The following CLASP1 variants were observed in gnomAD, a reference collection of about 807,000 sequenced individuals.
The protein encoded by CLASP1 is CLIP-associating protein 1.
CLASP1 carries 38 observed loss-of-function variants against 192.3 expected under a neutral mutation model. The observed-to-expected ratio is 0.20, with a 90% CI of 0.15 to 0.26. The LOEUF is 0.26. Among genes scored for constraint, CLASP1 ranks in the 10% least tolerant of loss-of-function variants. CLASP1 has a pLI of 1.00. For synonymous variants in CLASP1, 691 were observed against 712.8 expected, an observed-to-expected ratio of 0.97 and a Z score of 0.49; for missense variants, 1,433 against 1,932.5, an observed-to-expected ratio of 0.74 and a Z score of 4.85.
intron 2 of CLASP1, among the ~76,000 whole-genome samples, chr2:121,584,192 T>G (rs188316801): frequency 1.4e-3 from 216 of 152,194 alleles, no homozygotes; most frequent in Admixed American, 4.2e-3. Flanking sequence ...CAACTGATCT[T>G]CCCACCTCGG....
chr2:121,454,127 T>C (rs2086123362), intron 14 of CLASP1, among the ~76,000 whole-genome samples: 1 of 152,158 alleles, frequency 6.6e-6, no homozygotes, highest in African/African-American at 2.4e-5. Flanking sequence ...CTAAATGTTA[T>C]GAAGCGAATT....
chr2:121,388,926 T>C (rs866940645), intron 30 of CLASP1, among the ~76,000 whole-genome samples: 61 of 152,294 alleles, frequency 4.0e-4, no homozygotes, highest in African/African-American at 1.3e-3. Flanking sequence ...TTCCATGACA[T>C]AGAATATTAC....
exon 40 of CLASP1, chr2:121,340,413 G>T (rs1283834511): frequency 6.3e-6 from 1 of 158,758 alleles, no homozygotes; most frequent in African/African-American, 2.4e-5. Context: ...TGTGAAAGGG[G>T]CCCCACACAG....
chr2:121,461,537 T>C (rs757389929), intron 10 of CLASP1, among the ~76,000 whole-genome samples: 2 of 152,182 alleles, frequency 1.3e-5, no homozygotes, highest in Non-Finnish European at 2.9e-5. Context: ...CATGACACTA[T>C]ACCTATAAAT....
At chr2:121,610,570 G>C (rs1442877291) in intron 1 of CLASP1, among the ~76,000 whole-genome samples, 2 of 149,484 alleles carry the variant, frequency 1.3e-5, no homozygotes, top group Non-Finnish European at 3.0e-5. Context: ...GGAGTTACAG[G>C]AGGAAGAGGA....
At chr2:121,619,411 T>A (rs376405675) in intron 1 of CLASP1, among the ~76,000 whole-genome samples, 2 of 152,158 alleles carry the variant, frequency 1.3e-5, no homozygotes, top group Non-Finnish European at 2.9e-5. Context: ...CTTTCAACAC[T>A]ACAGAACATA....
At chr2:121,406,592 T>A (rs529958865) in intron 25 of CLASP1, among the ~76,000 whole-genome samples, 1 of 151,924 alleles carries the variant, frequency 6.6e-6, no homozygotes, top group Non-Finnish European at 1.5e-5. Context: ...TATTTTTTTA[T>A]TTTTTTTATT....
chr2:121,397,147 A>T, exon 30 of CLASP1: 1 of 1,613,372 alleles, frequency 6.2e-7, no homozygotes, highest in Non-Finnish European at 8.5e-7. Flanking sequence ...TACCTTTCTC[A>T]CGTCTGAACT....
chr2:121,391,574 C>T (rs2074354743), intron 30 of CLASP1, among the ~76,000 whole-genome samples: 1 of 152,162 alleles, frequency 6.6e-6, no homozygotes, highest in African/African-American at 2.4e-5. Context: ...AGTATTCTTG[C>T]TACAGGTGAT....
intron 6 of CLASP1, among the ~76,000 whole-genome samples, chr2:121,520,047 T>C (rs142424810): frequency 6.6e-6 from 1 of 152,328 alleles, no homozygotes; most frequent in African/African-American, 2.4e-5. Context: ...CTTATATGTA[T>C]GCTTTACAGA....
chr2:121,354,472 C>T (rs985797915), intron 37 of CLASP1, among the ~76,000 whole-genome samples: 3 of 152,166 alleles, frequency 2.0e-5, no homozygotes, highest in Admixed American at 6.5e-5. Context: ...AAGCACGTGG[C>T]TGTGTACCTA....
chr2:121,377,973 C>A (rs374727621), intron 33 of CLASP1, among the ~76,000 whole-genome samples: 2 of 152,074 alleles, frequency 1.3e-5, no homozygotes, highest in African/African-American at 4.8e-5. Flanking sequence ...AAATAACTTT[C>A]TTATTTTGAA....
At chr2:121,568,746 A>G (rs908656183) in intron 2 of CLASP1, among the ~76,000 whole-genome samples, 2 of 152,114 alleles carry the variant, frequency 1.3e-5, no homozygotes, top group Admixed American at 1.3e-4. Context: ...CTCAAGTCCA[A>G]GAGTTGCTTT....
chr2:121,543,211 A>AG (rs2095267460), intron 2 of CLASP1, among the ~76,000 whole-genome samples: 1 of 152,258 alleles, frequency 6.6e-6, no homozygotes, highest in East Asian at 1.9e-4. Flanking sequence ...GATGGGGGTA[A>AG]GGGGGCCATG....
chr2:121,471,677 G>A (rs1403298170), intron 8 of CLASP1, among the ~76,000 whole-genome samples: 1 of 152,142 alleles, frequency 6.6e-6, no homozygotes, highest in Non-Finnish European at 1.5e-5. Context: ...ACACAGCGTA[G>A]GGGGAGGAGG....
chr2:121,569,589 A>G (rs1313335356), intron 2 of CLASP1, among the ~76,000 whole-genome samples: 2 of 152,226 alleles, frequency 1.3e-5, no homozygotes, highest in Admixed American at 1.3e-4. Context: ...GTGGTGGCTC[A>G]CACCTGTAAT....
chr2:121,362,070 GACGGAAGAATTGTGTTA>G (rs1306462599), intron 37 of CLASP1, among the ~76,000 whole-genome samples: 2 of 152,208 alleles, frequency 1.3e-5, no homozygotes, highest in East Asian at 3.8e-4. Flanking sequence ...TCTCTATGTA[GACGGAAGAATTGTGTTA>G]ACTATAATTC....
chr2:121,485,158 G>A (rs1166553816), intron 8 of CLASP1, among the ~76,000 whole-genome samples: 1 of 152,186 alleles, frequency 6.6e-6, no homozygotes, highest in Non-Finnish European at 1.5e-5. Flanking sequence ...ACATGGGAGA[G>A]GATTACTCAG....
intron 3 of CLASP1, 114 bp downstream of exon 3, chr2:121,530,133 A>T: frequency 1.7e-6 from 1 of 598,164 alleles, no homozygotes; most frequent in East Asian, 3.4e-5. Flanking sequence ...AGGGAGGGAG[A>T]GGGGGCTGGA....
Sources: gnomAD v4.1 joint callset for allele counts (sites outside exome capture counted in the v4.1 genomes callset) on GRCh38, gnomAD v4.1.1 for gene constraint, MANE v1.5 for transcripts, NCBI Gene and HGNC (gene_info 2026-07-23, HGNC 2026-07-21) for gene names.